Variants in INPP4B observed in about 807,000 individuals in gnomAD.
INPP4B encodes inositol polyphosphate 4-phosphatase type II.
A neutral mutation model predicts 122.5 loss-of-function variants in INPP4B; 55 were observed. That is an observed-to-expected ratio of 0.45 (90% CI 0.36 to 0.56). The LOEUF is 0.56. Among genes scored for constraint, INPP4B ranks in the 20% least tolerant of loss-of-function variants. INPP4B has a pLI of 0.00. For synonymous variants in INPP4B, 403 were observed against 388.7 expected, an observed-to-expected ratio of 1.04 and a Z score of -0.43; for missense variants, 1,000 against 1,097.7, an observed-to-expected ratio of 0.91 and a Z score of 1.26.
At chr4:142,830,460 T>A (rs1298972307) in intron 1 of INPP4B, among the ~76,000 whole-genome samples, 1 of 152,048 alleles carries the variant, frequency 6.6e-6, no homozygotes, top group Non-Finnish European at 1.5e-5. Context: ...TCTGCCAAGA[T>A]CCTTGGCTCT....
intron 2 of INPP4B, among the ~76,000 whole-genome samples, chr4:142,724,102 AC>A (rs1173443123): frequency 2.6e-5 from 4 of 152,142 alleles, no homozygotes; most frequent in Non-Finnish European, 5.9e-5. Context: ...TAGAAAAAAA[AC>A]AAATTTTGTT....
intron 1 of INPP4B, among the ~76,000 whole-genome samples, chr4:142,837,448 G>A (rs1782936516): frequency 6.6e-6 from 1 of 152,084 alleles, no homozygotes; most frequent in Admixed American, 6.5e-5. Flanking sequence ...CTTACCTGCT[G>A]TGTGATCTTG....
chr4:142,490,101 A>G (rs112062626), intron 2 of INPP4B, among the ~76,000 whole-genome samples: 1 of 151,772 alleles, frequency 6.6e-6, no homozygotes, highest in Non-Finnish European at 1.5e-5. Context: ...TTGTTCAGAC[A>G]GGGTCTTGCT....
intron 17 of INPP4B, among the ~76,000 whole-genome samples, chr4:142,159,687 C>T (rs1819066989): frequency 6.6e-6 from 1 of 151,780 alleles, no homozygotes; most frequent in Non-Finnish European, 1.5e-5. Flanking sequence ...TTATATGTAT[C>T]GATTCAGTAA....
chr4:142,741,815 A>C (rs1463924097), intron 1 of INPP4B, among the ~76,000 whole-genome samples: 1 of 151,920 alleles, frequency 6.6e-6, no homozygotes, highest in Non-Finnish European at 1.5e-5. Flanking sequence ...TCCCTGAAGA[A>C]GAGAGAAGAG....
intron 2 of INPP4B, among the ~76,000 whole-genome samples, chr4:142,632,912 G>C (rs1748286772): frequency 1.6e-5 from 1 of 62,470 alleles, no homozygotes; most frequent in Non-Finnish European, 4.3e-5. Context: ...AAGGATGGTA[G>C]ATTTGAAAAA....
chr4:142,265,717 G>A (rs1417221364), intron 10 of INPP4B, among the ~76,000 whole-genome samples: 1 of 152,182 alleles, frequency 6.6e-6, no homozygotes, highest in Non-Finnish European at 1.5e-5. Flanking sequence ...ATGCCAAAAT[G>A]TTTGATGTGT....
intron 12 of INPP4B, among the ~76,000 whole-genome samples, chr4:142,224,500 C>T (rs1045294721): frequency 2.0e-5 from 3 of 152,020 alleles, no homozygotes; most frequent in African/African-American, 7.2e-5. Flanking sequence ...CTCAGAATAG[C>T]TTTACTGCTT....
At chr4:142,029,066 C>T in intron 25 of INPP4B, 152 bp from the exon 26 acceptor site, 1 of 1,398,304 alleles carries the variant, frequency 7.2e-7, no homozygotes, top group Non-Finnish European at 9.2e-7. Flanking sequence ...ATACATCTTA[C>T]AAAATTAAAT....
intron 12 of INPP4B, among the ~76,000 whole-genome samples, chr4:142,215,696 A>G (rs1846827585): frequency 1.3e-5 from 2 of 151,848 alleles, no homozygotes; most frequent in Non-Finnish European, 2.9e-5. Flanking sequence ...GATTGAGACC[A>G]TCCTGGCTAA....
At chr4:142,112,394 T>G (rs1790652782) in intron 22 of INPP4B, 148 bp downstream of exon 22, 3 of 856,012 alleles carry the variant, frequency 3.5e-6, no homozygotes, top group Non-Finnish European at 5.3e-6. Flanking sequence ...AAATTTACCT[T>G]CTATCTCAAA....
chr4:142,708,433 A>G (rs1445583774), intron 2 of INPP4B, among the ~76,000 whole-genome samples: 2 of 152,130 alleles, frequency 1.3e-5, no homozygotes, highest in Non-Finnish European at 1.5e-5. Context: ...CTCTCCCATC[A>G]CAGGCCCATA....
chr4:142,077,463 T>C (rs954672437), intron 25 of INPP4B, among the ~76,000 whole-genome samples: 32 of 151,986 alleles, frequency 2.1e-4, no homozygotes, highest in African/African-American at 7.7e-4. Flanking sequence ...CCCTATACAA[T>C]TATTTTTTGT....
intron 25 of INPP4B, among the ~76,000 whole-genome samples, chr4:142,069,594 AAT>A (rs1765748262): frequency 6.6e-6 from 1 of 152,208 alleles, no homozygotes; most frequent in South Asian, 2.1e-4. Flanking sequence ...TAGCAAGACT[AAT>A]AAAGAAGAAA....
intron 1 of INPP4B, among the ~76,000 whole-genome samples, chr4:142,827,498 A>G (rs995559229): frequency 2.6e-5 from 4 of 152,214 alleles, no homozygotes; most frequent in African/African-American, 9.6e-5. Flanking sequence ...GGGTAGAGTG[A>G]AAGTCTCATC....
intron 11 of INPP4B, among the ~76,000 whole-genome samples, chr4:142,239,321 T>C (rs1249862954): frequency 1.3e-5 from 2 of 152,116 alleles, no homozygotes; most frequent in Non-Finnish European, 2.9e-5. Context: ...TGCCAAGAAT[T>C]AGAGTGCTTA....
chr4:142,531,302 AAGGGAGGGGAGAC>A (rs757215574), intron 2 of INPP4B, among the ~76,000 whole-genome samples: 1 of 150,998 alleles, frequency 6.6e-6, no homozygotes, highest in Non-Finnish European at 1.5e-5. Flanking sequence ...GAAAGGAAAG[AAGGGAGGGGAGAC>A]AGGGAGGGGA....
chr4:142,123,637 C>T lies in INPP4B; in HGVS notation c.1894-222G>A, dbSNP rs188728481. ...GGTAGAAGTGCAAAGGGAAAAAGAACATGGACAGGAGTAAGGTTGATAGGT... is the reference window on the plus strand; with the variant it reads ...GGTAGAAGTGCAAAGGGAAAAAGAATATGGACAGGAGTAAGGTTGATAGGT... On this transcript the variant is annotated intron_variant, in intron 19 of 25. Coordinates refer to ENST00000262992, the MANE Select transcript of INPP4B (RefSeq NM_001101669.3). Among the ~76,000 whole-genome samples the T allele has an allele frequency of 2.0e-5, 3 of 152,182 alleles. No homozygotes were observed. The East Asian group carries it at 5.8e-4, about 29-fold the overall frequency.
intron 25 of INPP4B, among the ~76,000 whole-genome samples, chr4:142,069,789 A>G (rs2152476283): frequency 6.6e-6 from 1 of 152,338 alleles, no homozygotes; most frequent in African/African-American, 2.4e-5. Context: ...ACCAGGAAGA[A>G]GTTGAATCCC....
Sources: allele counts gnomAD v4.1 joint callset (sites outside exome capture counted in the v4.1 genomes callset), GRCh38; gene constraint gnomAD v4.1.1; transcripts MANE v1.5; gene names NCBI Gene and HGNC (gene_info 2026-07-23, HGNC 2026-07-21).